Variants in MGAT5 observed in about 807,000 individuals in gnomAD.
MGAT5 encodes alpha-1,6-mannosylglycoprotein 6-beta-N-acetylglucosaminyltransferase.
Under a neutral mutation model 94.3 loss-of-function variants are expected in MGAT5, and 30 were observed. The ratio of observed to expected loss-of-function variants is 0.32; its 90% CI spans 0.24 to 0.43. The LOEUF is 0.43. MGAT5 is among the 20% of genes least tolerant of loss of function. The pLI is 1.00. For missense variants in MGAT5, 691 were observed against 905.5 expected (o/e 0.76, Z 3.04); for synonymous variants, 310 against 322.9 (o/e 0.96, Z 0.43).
intron 13 of MGAT5, among the ~76,000 whole-genome samples, chr2:134,424,896 G>A (rs938817123): frequency 4.5e-4 from 69 of 152,166 alleles, no homozygotes; most frequent in Admixed American, 1.4e-3. Context: ...CTGTCTTTTC[G>A]TTTTATACAA....
intron 1 of MGAT5, among the ~76,000 whole-genome samples, chr2:134,181,551 T>C (rs1688735989): frequency 6.6e-6 from 1 of 152,212 alleles, no homozygotes. Context: ...AGTCTGTTTT[T>C]TTCTTTTCTT....
chr2:134,416,131 C>T (rs1346774631), intron 12 of MGAT5, among the ~76,000 whole-genome samples: 6 of 152,190 alleles, frequency 3.9e-5, no homozygotes, highest in African/African-American at 1.2e-4. Flanking sequence ...CAACATAAAA[C>T]TTACCATTTA....
intron 9 of MGAT5, among the ~76,000 whole-genome samples, chr2:134,358,545 A>G (rs1409110862): frequency 6.6e-6 from 1 of 152,140 alleles, no homozygotes; most frequent in African/African-American, 2.4e-5. Flanking sequence ...AGAAACTAAT[A>G]TCCCTGGGAC....
Position 134,451,971 on chromosome 2 carries a change from G to C in MGAT5, c.*3124G>C, listed in dbSNP as rs1686133108. 1 of 152,222 alleles carries C rather than the reference G, an allele frequency of 6.6e-6. No individual in the cohort carries two copies. The highest frequency in any genetic ancestry group is 2.1e-4 in the South Asian group (1 of 4,832). 9.4% of individuals were successfully genotyped at this position (152,222 alleles called of 1,614,324 possible). A position where few individuals can be genotyped will look rare whatever the true frequency, so the allele number is the denominator to read the frequency against. ...TTTGTGTGTTTGCTGTGCGTTTGGA[G>C]ATATTAGTCAGTTTCTTTAGTGATA... On this transcript the variant is annotated 3_prime_UTR_variant, in exon 16 of 16. Coordinates refer to ENST00000281923, the MANE Select transcript of MGAT5 (RefSeq NM_002410.5).
At chr2:134,332,475 C>T (rs1688036408) in intron 4 of MGAT5, among the ~76,000 whole-genome samples, 1 of 152,110 alleles carries the variant, frequency 6.6e-6, no homozygotes, top group Admixed American at 6.5e-5. Context: ...GACCTAAAAC[C>T]ATAAAATCCC....
At chr2:134,131,585 T>A (rs1264129120) in intron 1 of MGAT5, among the ~76,000 whole-genome samples, 1 of 147,090 alleles carries the variant, frequency 6.8e-6, no homozygotes, top group African/African-American at 2.5e-5. Context: ...TTTTTTTTTT[T>A]TTTTTTTTTT....
At chr2:134,348,537 A>AT (rs761332629) in intron 8 of MGAT5, among the ~76,000 whole-genome samples, 1 of 152,130 alleles carries the variant, frequency 6.6e-6, no homozygotes, top group African/African-American at 2.4e-5. Context: ...TCATGTTTGG[A>AT]TTTTTTCCCC....
chr2:134,171,266 G>T (rs1226485414), intron 1 of MGAT5, among the ~76,000 whole-genome samples: 1 of 152,134 alleles, frequency 6.6e-6, no homozygotes, highest in East Asian at 1.9e-4. Flanking sequence ...TAATTGAATT[G>T]GGTTTATTTC....
Position 134,386,002 on chromosome 2 carries a change from G to A in MGAT5, c.1381-16986G>A, listed in dbSNP as rs563953611. ...AAAATCTCAGATGGTGAGATAAGATGTAAGAAGCACCTTGTTATCCGGCGG... is the reference window on the plus strand; with the variant it reads ...AAAATCTCAGATGGTGAGATAAGATATAAGAAGCACCTTGTTATCCGGCGG... On this transcript the variant is annotated intron_variant, in intron 10 of 15. Coordinates refer to ENST00000281923, the MANE Select transcript of MGAT5 (RefSeq NM_002410.5). Among the ~76,000 whole-genome samples the A allele has an allele frequency of 5.3e-5, 8 of 152,324 alleles. No individual in the cohort carries two copies. In the East Asian group the frequency reaches 1.2e-3, roughly 22 times the overall value.
At chr2:134,420,149 C>G (rs1402190218) in intron 12 of MGAT5, among the ~76,000 whole-genome samples, 1 of 152,140 alleles carries the variant, frequency 6.6e-6, no homozygotes, top group Non-Finnish European at 1.5e-5. Context: ...TGGCTCTTCT[C>G]CTTTCCAGCT....
At chr2:134,398,785 G>A (rs921581672) in intron 10 of MGAT5, among the ~76,000 whole-genome samples, 2 of 152,180 alleles carry the variant, frequency 1.3e-5, no homozygotes, top group African/African-American at 2.4e-5. Context: ...TATGGATGGA[G>A]CTGGAGATCA....
At chr2:134,172,363 T>A (rs1475524802) in intron 1 of MGAT5, among the ~76,000 whole-genome samples, 2 of 151,518 alleles carry the variant, frequency 1.3e-5, no homozygotes, top group Non-Finnish European at 2.9e-5. Flanking sequence ...GAGGAAGGAA[T>A]TTCCTAAGTA....
chr2:134,443,364 G>C (rs906532972), intron 15 of MGAT5, among the ~76,000 whole-genome samples: 2 of 152,122 alleles, frequency 1.3e-5, no homozygotes, highest in African/African-American at 4.8e-5. Flanking sequence ...GCTAACTTTT[G>C]TATTTTTAGT....
chr2:134,286,964 G>T (rs1478556961), intron 2 of MGAT5, among the ~76,000 whole-genome samples: 2 of 152,184 alleles, frequency 1.3e-5, no homozygotes, highest in African/African-American at 4.8e-5. Flanking sequence ...TGTTTCCTGT[G>T]CCTGGTGTGG....
At chr2:134,345,764 A>T (rs976308098) in intron 8 of MGAT5, among the ~76,000 whole-genome samples, 2 of 152,202 alleles carry the variant, frequency 1.3e-5, no homozygotes, top group African/African-American at 4.8e-5. Context: ...TGTGTCCGAC[A>T]CTACTTTTAA....
chr2:134,164,923 G>A (rs530547490), intron 1 of MGAT5, among the ~76,000 whole-genome samples: 1 of 152,106 alleles, frequency 6.6e-6, no homozygotes, highest in East Asian at 1.9e-4. Context: ...GCCACATTTA[G>A]CCTGACAGTC....
intron 14 of MGAT5, among the ~76,000 whole-genome samples, chr2:134,434,884 C>CTG (rs1685085275): frequency 6.6e-6 from 1 of 152,226 alleles, no homozygotes; most frequent in African/African-American, 2.4e-5. Flanking sequence ...AGTCCAGGGA[C>CTG]TGTGTCTCCT....
chr2:134,323,423 G>A (rs1350300300), intron 4 of MGAT5, among the ~76,000 whole-genome samples: 2 of 152,022 alleles, frequency 1.3e-5, no homozygotes, highest in Admixed American at 6.6e-5. Flanking sequence ...ATATCCACAG[G>A]GGTCTTGAAA....
chr2:134,413,256 C>T lies in MGAT5; in HGVS notation c.1677+241C>T, dbSNP rs529118255. 2.6e-4 allele frequency among the ~76,000 whole-genome samples: 39 copies of T among 152,288 alleles called. No individual in the cohort carries two copies. The South Asian group carries it at 7.7e-3, about 30-fold the overall frequency. ...TACCCCCACTCTAGCTTACTGTAAA[C>T]TCAGACAATCTAGCCTCTGATTATA... is the stretch of plus-strand genomic sequence containing the variant. On this transcript the variant is annotated intron_variant, in intron 12 of 15. Coordinates refer to ENST00000281923, the MANE Select transcript of MGAT5 (RefSeq NM_002410.5).
Sources: allele counts gnomAD v4.1 joint callset (sites outside exome capture counted in the v4.1 genomes callset), GRCh38; gene constraint gnomAD v4.1.1; transcripts MANE v1.5; gene names NCBI Gene and HGNC (gene_info 2026-07-23, HGNC 2026-07-21).